Variants in OTOF observed in about 807,000 individuals in gnomAD.
The protein encoded by OTOF is otoferlin.
A neutral mutation model predicts 236.8 loss-of-function variants in OTOF; 218 were observed. The observed-to-expected ratio is 0.92, with a 90% CI of 0.82 to 1.03. The LOEUF (loss-of-function observed/expected upper bound fraction) is 1.03. OTOF is among the 50% of genes least tolerant of loss of function. OTOF has a pLI of 0.00. For synonymous variants in OTOF, 1,041 were observed against 1,072.5 expected, an observed-to-expected ratio of 0.97 and a Z score of 0.57; for missense variants, 2,590 against 2,694.4, an observed-to-expected ratio of 0.96 and a Z score of 0.86.
chr2:26,516,429 CTTCTCTCCTGGGGG>C lies in OTOF; in HGVS notation c.484_497del (p.Pro162GlufsTer30), dbSNP rs748460341. On this transcript the variant is annotated frameshift_variant, in exon 5 of 47. Transcript: ENST00000272371. LOFTEE classifies it high-confidence loss of function. ...GTCCTGCCTGTTACCTCCGGAAGCTCTTCTCTCCTGGGGGCCGGGAGCTGGGCCGGGAGCCTGGG... is the reference window on the plus strand; with the variant it reads ...GTCCTGCCTGTTACCTCCGGAAGCTCCCGGGAGCTGGGCCGGGAGCCTGGG... 4.3e-6 allele frequency: 7 copies of C among 1,613,802 alleles called. No homozygotes were observed. Among genetic ancestry groups the C allele is most frequent in the Non-Finnish European group, 5.9e-6 (7 of 1,179,904 alleles).
intron 16 of OTOF, among the ~76,000 whole-genome samples, chr2:26,479,966 C>T (rs1335919942): frequency 6.6e-6 from 1 of 152,274 alleles, no homozygotes; most frequent in Non-Finnish European, 1.5e-5. Context: ...CACAGCCTCA[C>T]CCTGTAGGTG....
intron 3 of OTOF, among the ~76,000 whole-genome samples, chr2:26,527,251 A>G (rs1367588560): frequency 6.6e-6 from 1 of 152,246 alleles, no homozygotes; most frequent in East Asian, 1.9e-4. Context: ...GTGAATATCT[A>G]TCTCATTTAA....
chr2:26,465,632 A>C, intron 38 of OTOF, 40 bp downstream of exon 38: 1 of 1,594,144 alleles, frequency 6.3e-7, no homozygotes. Context: ...GAGGCAAAGC[A>C]GGCACACTGC....
In OTOF at chr2:26,466,212, T is replaced by C; in HGVS notation, c.4501-136A>G. 8.2e-6 allele frequency: 9 copies of C among 1,101,372 alleles called. No homozygotes were observed. In the South Asian group the frequency reaches 1.1e-4, roughly 13 times the overall value. 68.2% of individuals were successfully genotyped at this position (1,101,372 alleles called of 1,614,324 possible). A position where few individuals can be genotyped will look rare whatever the true frequency, so the allele number is the denominator to read the frequency against. ...ACTGGACCCCTCAGGAGGCTTGCTG[T>C]GTGACCCTAGGCAAGTGGCTACCCC... On this transcript the variant is annotated intron_variant, in intron 36 of 46. Coordinates refer to ENST00000272371, the MANE Select transcript of OTOF (RefSeq NM_194248.3).
At chr2:26,491,907 C>G (rs1665851981) in intron 9 of OTOF, among the ~76,000 whole-genome samples, 1 of 152,212 alleles carries the variant, frequency 6.6e-6, no homozygotes, top group Admixed American at 6.5e-5. Flanking sequence ...CTGTTATTTC[C>G]TGAGCATATT....
chr2:26,479,840 C>T (rs1054672932), intron 16 of OTOF, among the ~76,000 whole-genome samples, 187 bp from the exon 17 acceptor site: 31 of 152,366 alleles, frequency 2.0e-4, no homozygotes, highest in African/African-American at 6.3e-4. Flanking sequence ...GTCAGGGAGT[C>T]CTCATGACGC....
chr2:26,505,627 C>T (rs778795586), intron 5 of OTOF, among the ~76,000 whole-genome samples: 10 of 152,322 alleles, frequency 6.6e-5, no homozygotes, highest in East Asian at 1.9e-4. Context: ...CGAGGTCACA[C>T]GGTGAGTGGC....
At chr2:26,506,431 A>C (rs1012688880) in intron 5 of OTOF, among the ~76,000 whole-genome samples, 1 of 152,028 alleles carries the variant, frequency 6.6e-6, no homozygotes, top group Non-Finnish European at 1.5e-5. Context: ...ACTTCCCCAG[A>C]GGGGAAGTGC....
chr2:26,501,713 G>A (rs921637154), intron 8 of OTOF, 41 bp downstream of exon 8: 1 of 1,418,424 alleles, frequency 7.1e-7, no homozygotes, highest in Non-Finnish European at 1.0e-6. Flanking sequence ...CCCCACTAGA[G>A]CAGAGTCTGA....
In OTOF at chr2:26,470,650, G is replaced by GTCTGGCTCCTCCTCC. The variant is rs1558476148; in HGVS notation, c.3951_3965dup (p.Glu1317_Pro1321dup). 5 of 1,614,120 alleles carry GTCTGGCTCCTCCTCC rather than the reference G, an allele frequency of 3.1e-6. No individual in the cohort carries two copies. The highest frequency in any genetic ancestry group is 4.5e-5 in the East Asian group (2 of 44,864). On this transcript the variant is annotated inframe_insertion, in exon 32 of 47. Transcript: ENST00000272371. The surrounding 1 kb of genome is among the most constrained non-coding windows in gnomAD (Gnocchi z 4.3). Reference sequence around the variant, plus strand: ...TGGACCACCAGTCCAGCATGCTCTCGTCTGGCTCCTCCTCCTCTGGCTCCT... The same window carrying GTCTGGCTCCTCCTCC: ...TGGACCACCAGTCCAGCATGCTCTCGTCTGGCTCCTCCTCCTCTGGCTCCTCCTCCTCTGGCTCCT...
Position 26,461,944 on chromosome 2 carries a change from G to T in OTOF, c.5292-7C>A, listed in dbSNP as rs1056283247. On this transcript the variant is annotated splice_polypyrimidine_tract_variant and splice_region_variant and intron_variant, in intron 42 of 46. Coordinates refer to ENST00000272371, the MANE Select transcript of OTOF (RefSeq NM_194248.3). This position sits in a 1 kb window ranked among gnomAD's most constrained non-coding sequence, Gnocchi z 6.2. ...CTGCTGGCCCTTCAGCCACCTGTGG[G>T]CGCCACATCTCCAGACCCGCAGCCA... is the stretch of plus-strand genomic sequence containing the variant. The T allele has an allele frequency of 2.5e-6, 4 of 1,614,016 alleles. No individual in the cohort carries two copies. Among genetic ancestry groups the T allele is most frequent in the Non-Finnish European group, 3.4e-6 (4 of 1,179,992 alleles).
At chr2:26,509,158 T>C (rs578200089) in intron 5 of OTOF, among the ~76,000 whole-genome samples, 1 of 152,280 alleles carries the variant, frequency 6.6e-6, no homozygotes, top group East Asian at 1.9e-4. Context: ...CCTTAGAGCA[T>C]CGCTGATCTC....
At chr2:26,516,284 G>A in intron 5 of OTOF, 134 bp downstream of exon 5, 1 of 819,482 alleles carries the variant, frequency 1.2e-6, no homozygotes, top group Non-Finnish European at 2.0e-6. Context: ...CCACCCCTTG[G>A]ATGTCTCTCC....
At chr2:26,500,926 C>T (rs1423190625) in intron 8 of OTOF, among the ~76,000 whole-genome samples, 3 of 152,202 alleles carry the variant, frequency 2.0e-5, no homozygotes, top group East Asian at 1.9e-4. Flanking sequence ...ATACCCAGAC[C>T]GAACATCCCC....
In OTOF at chr2:26,558,626, G is replaced by A. The variant is rs1425172530; in HGVS notation, c.-55C>T. 36 of 1,444,644 alleles carry A rather than the reference G, an allele frequency of 2.5e-5. No individual in the cohort carries two copies. Among genetic ancestry groups the A allele is most frequent in the East Asian group, 9.1e-5 (4 of 43,944 alleles). The allele number at this position is 1,444,644 out of a possible 1,614,324, so 89.5% of individuals were successfully genotyped here. Reference sequence around the variant, plus strand: ...CAGGAGCAGCGGGAAGGAGCTAGCCGGTGGAGCACGGCTCACACGCCTCTC... The same window carrying A: ...CAGGAGCAGCGGGAAGGAGCTAGCCAGTGGAGCACGGCTCACACGCCTCTC... On this transcript the variant is annotated 5_prime_UTR_variant, in exon 1 of 47. Coordinates refer to ENST00000272371, the MANE Select transcript of OTOF (RefSeq NM_194248.3).
chr2:26,460,151 G>A lies in OTOF; in HGVS notation c.5868C>T (p.Tyr1956=), dbSNP rs727504937. 6.2e-7 allele frequency: 1 copy of A among 1,603,442 alleles called. No homozygotes were observed. The highest frequency in any genetic ancestry group is 8.5e-7 in the Non-Finnish European group (1 of 1,175,436). The change falls in exon 46 of 47, where the codon TAC becomes TAT. Residue 1956 remains tyrosine, a synonymous_variant. Coordinates refer to ENST00000272371, the MANE Select transcript of OTOF (RefSeq NM_194248.3). The surrounding 1 kb of genome is among the most constrained non-coding windows in gnomAD (Gnocchi z 5.3). ...GCCAGCGATACGTGTGCCACAAGAAGTAGCGAGCCGACTTGAGAGGGTTCA... is the reference window on the plus strand; with the variant it reads ...GCCAGCGATACGTGTGCCACAAGAAATAGCGAGCCGACTTGAGAGGGTTCA... The part of the protein sequence containing the change: ...WFLNPLKSAR[Y]FLWHTYRWLL...
At chr2:26,474,279 C>T (rs1194875376) in intron 26 of OTOF, among the ~76,000 whole-genome samples, 169 bp from the exon 27 acceptor site, 2 of 148,362 alleles carry the variant, frequency 1.3e-5, no homozygotes, top group Non-Finnish European at 3.0e-5. Context: ...AGCCCCCAGG[C>T]CCCAGCTCCA....
chr2:26,475,585 GA>G, intron 24 of OTOF, 92 bp from the exon 25 acceptor site: 1 of 1,393,088 alleles, frequency 7.2e-7, no homozygotes, highest in Non-Finnish European at 1.0e-6. Flanking sequence ...AGCTTCCACG[GA>G]ACCTGGGGGC....
Position 26,529,877 on chromosome 2 carries a change from G to A in OTOF, c.139-1957C>T, listed in dbSNP as rs1033725718. ...TGGGCACAGGGCGGAGGGGTGCGCTGAGAGTCCCAGGAAGTGGAGGCAGCC... is the reference window on the plus strand; with the variant it reads ...TGGGCACAGGGCGGAGGGGTGCGCTAAGAGTCCCAGGAAGTGGAGGCAGCC... On this transcript the variant is annotated intron_variant, in intron 2 of 46. Coordinates refer to ENST00000272371, the MANE Select transcript of OTOF (RefSeq NM_194248.3). 4.5e-5 allele frequency among the ~76,000 whole-genome samples: 3 copies of A among 66,612 alleles called. No homozygotes were observed. In the Admixed American group the frequency reaches 7.1e-4, roughly 16 times the overall value. The allele number at this position is 66,612 out of a possible 152,430, so 43.7% of individuals were successfully genotyped here. A position where few individuals can be genotyped will look rare whatever the true frequency, so the allele number is the denominator to read the frequency against.
Sources: allele counts gnomAD v4.1 joint callset (sites outside exome capture counted in the v4.1 genomes callset), GRCh38; gene constraint gnomAD v4.1.1; non-coding constraint Gnocchi (gnomAD v3.1); transcripts MANE v1.5; gene names NCBI Gene and HGNC (gene_info 2026-07-23, HGNC 2026-07-21).